Variants in PGR observed in about 807,000 individuals in gnomAD.
PGR encodes the protein progesterone receptor.
In PGR, 25 loss-of-function variants were observed where a neutral mutation model predicts 76.1. The ratio of observed to expected loss-of-function variants is 0.33; its 90% CI spans 0.24 to 0.46. PGR has a LOEUF of 0.46. Ranked by LOEUF, PGR falls within the 20% of genes least tolerant of loss-of-function variation. PGR has a pLI of 1.00. For missense variants in PGR, 1,172 were observed against 1,225.3 expected (o/e 0.96, Z 0.65); for synonymous variants, 579 against 535.0 (o/e 1.08, Z -1.14).
intron 3 of PGR, chr11:101,063,904 C>A (rs11571209): frequency 6.6e-6 from 1 of 152,060 alleles, no homozygotes; most frequent in Non-Finnish European, 1.5e-5. Context: ...ACTGGTGGTA[C>A]GCCAATGGTC....
intron 1 of PGR, among the ~76,000 whole-genome samples, chr11:101,126,610 G>C (rs148910126): frequency 6.6e-6 from 1 of 152,258 alleles, no homozygotes; most frequent in East Asian, 1.9e-4. Context: ...TGTAATCATT[G>C]CTTACTTAAG....
rs953379573 is a variant in PGR, at chr11:101,031,297, G to T, written c.*7819C>A. 4.5e-6 allele frequency: 1 copy of T among 223,924 alleles called. No individual in the cohort carries two copies. The highest frequency in any genetic ancestry group is 8.9e-6 in the Non-Finnish European group (1 of 112,174). The allele number at this position is 223,924 out of a possible 1,614,324, so 13.9% of individuals were successfully genotyped here. A position where few individuals can be genotyped will look rare whatever the true frequency, so the allele number is the denominator to read the frequency against. ...GTCTATGACCAGGCATAACTAACAA[G>T]GGACTGGTGTATGGCCAGTGAGGAC... On this transcript the variant is annotated 3_prime_UTR_variant, in exon 8 of 8. Coordinates refer to ENST00000325455, the MANE Select transcript of PGR (RefSeq NM_000926.4).
At chr11:101,064,780 G>A (rs879281429) in intron 3 of PGR, among the ~76,000 whole-genome samples, 20 of 152,016 alleles carry the variant, frequency 1.3e-4, no homozygotes, top group Admixed American at 1.3e-3. Context: ...TTGCTGTATG[G>A]TTTGCACTAC....
At chr11:101,103,221 T>C (rs972286196) in intron 2 of PGR, among the ~76,000 whole-genome samples, 1 of 151,938 alleles carries the variant, frequency 6.6e-6, no homozygotes. Flanking sequence ...TTGTTCTAGG[T>C]TGGGGACCCC....
rs1443104910 is a variant in PGR at position 101,128,386 on chromosome 11, A to C, written c.685T>G (p.Ser229Ala). 1 of 1,609,082 alleles carries C rather than the reference A, an allele frequency of 6.2e-7. No homozygotes were observed. The part of the protein sequence containing the change: ...VEVEEEDGSE[S>A]EESAGPLLKG... ...AGAAGCGGACCCGCAGACTCCTCGG[A>C]CTCAGAGCCATCCTCCTCCTCAACC... The change falls in exon 1 of 8, where the codon TCC (serine) becomes GCC (alanine). Residue 229 changes from serine (S) to alanine (A), a missense_variant. Transcript: ENST00000325455.
At chr11:101,050,134 A>C in intron 5 of PGR, 75 bp from the exon 6 acceptor site, 1 of 1,462,948 alleles carries the variant, frequency 6.8e-7, no homozygotes, top group African/African-American at 1.4e-5. Context: ...TAGGTAATTT[A>C]TCAGGGAATA....
chr11:101,109,582 C>G (rs1418564443), intron 2 of PGR, among the ~76,000 whole-genome samples: 8 of 152,174 alleles, frequency 5.3e-5, no homozygotes, highest in African/African-American at 1.9e-4. Context: ...GGGATGAAAG[C>G]TGTAAAAGAA....
chr11:101,093,688 A>G (rs890541244), intron 2 of PGR, among the ~76,000 whole-genome samples: 28 of 152,210 alleles, frequency 1.8e-4, no homozygotes, highest in African/African-American at 6.5e-4. Flanking sequence ...CGAACTCCCA[A>G]CCTCAGGTGA....
chr11:101,041,545 C>A, intron 7 of PGR: 1 of 179,496 alleles, frequency 5.6e-6, no homozygotes, highest in Admixed American at 5.6e-5. Flanking sequence ...TATGTATTGC[C>A]TGATTGCCCA....
chr11:101,049,177 AAT>A (rs1860000234), intron 6 of PGR, among the ~76,000 whole-genome samples: 1 of 152,164 alleles, frequency 6.6e-6, no homozygotes, highest in Non-Finnish European at 1.5e-5. Flanking sequence ...CAGAATCATC[AAT>A]ATCACTGTCA....
chr11:101,115,841 C>T (rs897574701), intron 2 of PGR, among the ~76,000 whole-genome samples: 1 of 152,030 alleles, frequency 6.6e-6, no homozygotes, highest in African/African-American at 2.4e-5. Context: ...TTGCAAAAAG[C>T]CAGCAGGCAC....
rs533171439 is a variant in PGR at position 101,086,526 on chromosome 11, G to C, written c.1906+5234C>G. Among the ~76,000 whole-genome samples, 5 of 152,194 alleles carry C rather than the reference G, an allele frequency of 3.3e-5. No individual in the cohort carries two copies. The East Asian group carries it at 5.8e-4, about 18-fold the overall frequency. ...GCTGGAAGAATTTTCCTTGAGATCT[G>C]GAAAAAGTTAAGGATGCTCACTCTC... On this transcript the variant is annotated intron_variant, in intron 3 of 7. Coordinates refer to ENST00000325455, the MANE Select transcript of PGR (RefSeq NM_000926.4).
chr11:101,039,089 T>C lies in PGR; in HGVS notation c.*27A>G. 1 of 1,592,040 alleles carries C rather than the reference T, an allele frequency of 6.3e-7. No individual in the cohort carries two copies. The highest frequency in any genetic ancestry group is 8.6e-7 in the Non-Finnish European group (1 of 1,161,048). On this transcript the variant is annotated 3_prime_UTR_variant, in exon 8 of 8. Transcript: ENST00000325455. ...AAACAAAAAGACATACCACAAAATT[T>C]AATTCTTTAAAAGAAAAAGATGACA...
At chr11:101,054,168 T>C (rs537245622) in intron 4 of PGR, among the ~76,000 whole-genome samples, 98 of 152,270 alleles carry the variant, frequency 6.4e-4, no homozygotes, top group African/African-American at 2.2e-3. Flanking sequence ...GAACCCCTGT[T>C]GTCCTCTCAG....
At chr11:101,042,260 A>G (rs975377272) in intron 6 of PGR, among the ~76,000 whole-genome samples, 158 bp from the exon 7 acceptor site, 3 of 152,158 alleles carry the variant, frequency 2.0e-5, no homozygotes, top group Non-Finnish European at 4.4e-5. Flanking sequence ...TGATATCACT[A>G]TCAATATCAG....
Position 101,073,386 on chromosome 11 carries a change from A to G in PGR, c.1907-10634T>C, listed in dbSNP as rs184849949. Among the ~76,000 whole-genome samples the G allele has an allele frequency of 2.0e-3, 301 of 152,320 alleles. 6 individuals carry two copies. Among genetic ancestry groups the G allele is most frequent in the Admixed American group, 0.018 (281 of 15,294 alleles). On this transcript the variant is annotated intron_variant, in intron 3 of 7. Transcript: ENST00000325455. ...CCACAGGAGAAAGTGGGAATGATCT[A>G]AAATTGACACGCTAATATCACAATT...
intron 2 of PGR, among the ~76,000 whole-genome samples, chr11:101,119,294 T>C (rs1565367993): frequency 6.6e-6 from 1 of 152,148 alleles, no homozygotes; most frequent in South Asian, 2.1e-4. Context: ...TGTAAATGAT[T>C]AGTGTGCCTA....
At chr11:101,114,796 T>A (rs1862452555) in intron 2 of PGR, among the ~76,000 whole-genome samples, 1 of 152,126 alleles carries the variant, frequency 6.6e-6, no homozygotes, top group Non-Finnish European at 1.5e-5. Context: ...TAGTGCACCA[T>A]CCCCAGACTG....
intron 2 of PGR, among the ~76,000 whole-genome samples, chr11:101,114,746 T>C (rs976589987): frequency 2.0e-5 from 3 of 152,126 alleles, no homozygotes; most frequent in African/African-American, 7.2e-5. Flanking sequence ...AATCTACCCA[T>C]TGAACCCATT....
Sources: allele counts gnomAD v4.1 joint callset (sites outside exome capture counted in the v4.1 genomes callset), GRCh38; gene constraint gnomAD v4.1.1; transcripts MANE v1.5; gene names NCBI Gene and HGNC (gene_info 2026-07-23, HGNC 2026-07-21).